Variants in SLCO3A1 observed in about 807,000 individuals in gnomAD.
SLCO3A1 encodes the protein PGE1 transporter.
Under a neutral mutation model 63.1 loss-of-function variants are expected in SLCO3A1, and 27 were observed. The ratio of observed to expected loss-of-function variants is 0.43; its 90% CI spans 0.32 to 0.59. SLCO3A1 has a LOEUF of 0.59. Among genes scored for constraint, SLCO3A1 ranks in the 20% least tolerant of loss-of-function variants. The pLI is 0.09. For missense variants in SLCO3A1, 773 were observed against 945.8 expected (o/e 0.82, Z 2.40); for synonymous variants, 473 against 409.9 (o/e 1.15, Z -1.86).
At chr15:92,037,888 C>G (rs1405107690) in intron 2 of SLCO3A1, among the ~76,000 whole-genome samples, 1 of 152,178 alleles carries the variant, frequency 6.6e-6, no homozygotes, top group African/African-American at 2.4e-5. Context: ...ACACCATCAC[C>G]TGGGTCTGTG....
intron 7 of SLCO3A1, among the ~76,000 whole-genome samples, chr15:92,141,189 G>A (rs183347026): frequency 6.3e-4 from 96 of 152,276 alleles, no homozygotes; most frequent in African/African-American, 1.9e-3. Context: ...TTCACCTCTC[G>A]CAGAGGCAGC....
At chr15:92,095,367 G>A (rs769818157) in intron 3 of SLCO3A1, among the ~76,000 whole-genome samples, 1 of 152,196 alleles carries the variant, frequency 6.6e-6, no homozygotes, top group Non-Finnish European at 1.5e-5. Context: ...CCTATATGAG[G>A]ATCCTACTTT....
intron 7 of SLCO3A1, among the ~76,000 whole-genome samples, chr15:92,141,146 G>A (rs994431578): frequency 3.3e-5 from 5 of 152,056 alleles, no homozygotes; most frequent in South Asian, 4.2e-4. Flanking sequence ...GCTAGATCCC[G>A]CCACCCCCCA....
chr15:92,111,848 C>A (rs1349201345), intron 4 of SLCO3A1, among the ~76,000 whole-genome samples: 1 of 152,140 alleles, frequency 6.6e-6, no homozygotes, highest in Non-Finnish European at 1.5e-5. Flanking sequence ...CAGGGAAAAA[C>A]AAATCAACAG....
intron 2 of SLCO3A1, among the ~76,000 whole-genome samples, chr15:92,016,234 TAGATAGATAGATAGATAGATTAGATAGA>T: frequency 1.9e-5 from 1 of 52,702 alleles, no homozygotes; most frequent in African/African-American, 1.3e-4. Flanking sequence ...GATAGATAGA[TAGATAGATAGATAGATAGATTAGATAGA>T]TAGATAGATA....
chr15:91,917,655 G>C (rs900343549), intron 2 of SLCO3A1, among the ~76,000 whole-genome samples: 2 of 152,180 alleles, frequency 1.3e-5, no homozygotes, highest in African/African-American at 4.8e-5. Context: ...ATGGAACAAA[G>C]GGGAAGAGAA....
chr15:92,119,117 C>T (rs1410867025), intron 4 of SLCO3A1, among the ~76,000 whole-genome samples: 4 of 152,064 alleles, frequency 2.6e-5, no homozygotes, highest in Non-Finnish European at 5.9e-5. Flanking sequence ...TCCTGGTGCC[C>T]CAGAGCTCTC....
chr15:91,963,399 C>A (rs1461744869), intron 2 of SLCO3A1, among the ~76,000 whole-genome samples: 1 of 7,678 alleles, frequency 1.3e-4, no homozygotes, highest in African/African-American at 7.5e-4. Context: ...GGGTTTAACT[C>A]GGGGAGGGTG....
intron 2 of SLCO3A1, among the ~76,000 whole-genome samples, chr15:92,002,448 A>G (rs1837546555): frequency 6.6e-6 from 1 of 152,200 alleles, no homozygotes; most frequent in Non-Finnish European, 1.5e-5. Context: ...ACAAGTCCAT[A>G]AGGCCCAGGT....
intron 2 of SLCO3A1, among the ~76,000 whole-genome samples, chr15:92,044,527 T>C (rs1197242668): frequency 6.6e-6 from 1 of 152,082 alleles, no homozygotes; most frequent in Non-Finnish European, 1.5e-5. Flanking sequence ...ACAGGAAGTC[T>C]TCCTAGATCT....
intron 2 of SLCO3A1, among the ~76,000 whole-genome samples, chr15:91,963,404 A>AGGGCGGGGGGGGGGGG (rs1176735786): frequency 6.3e-4 from 2 of 3,152 alleles, no homozygotes; most frequent in African/African-American, 2.5e-3. Flanking sequence ...TAACTCGGGG[A>AGGGCGGGGGGGGGGGG]GGGTGGGGGG....
At chr15:92,015,310 C>T (rs11853228) in intron 2 of SLCO3A1, among the ~76,000 whole-genome samples, 37 of 152,134 alleles carry the variant, frequency 2.4e-4, no homozygotes, top group African/African-American at 8.7e-4. Context: ...GTTTAATTGA[C>T]TCACAGTTCC....
chr15:91,990,236 T>A (rs2046109601), intron 2 of SLCO3A1, among the ~76,000 whole-genome samples: 2 of 152,064 alleles, frequency 1.3e-5, no homozygotes, highest in Non-Finnish European at 2.9e-5. Flanking sequence ...AGAGCTAGAG[T>A]TTTGTGAAAT....
chr15:92,147,782 TGCCTCAAAGAAAG>T (rs2048248333), intron 8 of SLCO3A1, among the ~76,000 whole-genome samples: 1 of 152,192 alleles, frequency 6.6e-6, no homozygotes, highest in Non-Finnish European at 1.5e-5. Flanking sequence ...ATAGGTGAAG[TGCCTCAAAGAAAG>T]ATGAGCCATT....
intron 1 of SLCO3A1, among the ~76,000 whole-genome samples, chr15:91,858,297 C>T (rs1195286407): frequency 2.0e-5 from 3 of 152,104 alleles, no homozygotes; most frequent in African/African-American, 7.2e-5. Context: ...ATTTTATACA[C>T]TTATGCTTAC....
chr15:92,110,857 C>T (rs1382450455), intron 4 of SLCO3A1, among the ~76,000 whole-genome samples: 1 of 116,182 alleles, frequency 8.6e-6, no homozygotes, highest in African/African-American at 3.1e-5. Context: ...GGGTTTTGGC[C>T]TGTGTTTGAC....
At chr15:91,929,186 A>G (rs1270224820) in intron 2 of SLCO3A1, among the ~76,000 whole-genome samples, 5 of 152,176 alleles carry the variant, frequency 3.3e-5, no homozygotes, top group Non-Finnish European at 5.9e-5. Context: ...GTCCACATAC[A>G]TGAACTGTGT....
chr15:91,856,232 C>T lies in SLCO3A1; in HGVS notation c.180+2144C>T, dbSNP rs1026219671. On this transcript the variant is annotated intron_variant, in intron 1 of 9. Transcript: ENST00000318445. This position sits in a 1 kb window ranked among gnomAD's most constrained non-coding sequence, Gnocchi z 4.9. ...AGCCTGGTTGGGTGGGGTAGGGTAA[C>T]AGGAGTCAACAGGTGACTTGCAGAA... Among the ~76,000 whole-genome samples, 3 of 152,024 alleles carry T rather than the reference C, an allele frequency of 2.0e-5. No homozygotes were observed. The highest frequency in any genetic ancestry group is 7.2e-5 in the African/African-American group (3 of 41,384).
At chr15:91,879,525 T>TG (rs72655649) in intron 1 of SLCO3A1, among the ~76,000 whole-genome samples, 47,552 of 151,898 alleles carry the variant, frequency 0.31, 8,433 homozygotes, top group East Asian at 0.67. Context: ...CTATGATGCC[T>TG]ATACATGTAA....
Sources: allele counts gnomAD v4.1 joint callset (sites outside exome capture counted in the v4.1 genomes callset), GRCh38; gene constraint gnomAD v4.1.1; non-coding constraint Gnocchi (gnomAD v3.1); transcripts MANE v1.5; gene names NCBI Gene and HGNC (gene_info 2026-07-23, HGNC 2026-07-21).